RCC2: variants seen among roughly 807,000 people sequenced by gnomAD.
The protein encoded by RCC2 is protein RCC2.
A neutral mutation model predicts 64.1 loss-of-function variants in RCC2; 19 were observed. The ratio of observed to expected loss-of-function variants is 0.30; its 90% CI spans 0.21 to 0.44. RCC2 has a LOEUF of 0.44. Ranked by LOEUF, RCC2 falls within the 20% of genes least tolerant of loss-of-function variation. RCC2 has a pLI of 1.00. For missense variants in RCC2, 508 were observed against 710.4 expected (o/e 0.72, Z 3.24); for synonymous variants, 325 against 279.6 (o/e 1.16, Z -1.62).
intron 2 of RCC2, 43 bp from the exon 3 acceptor site, chr1:17,429,242 T>C (rs1312388456): frequency 4.7e-6 from 7 of 1,482,830 alleles, no homozygotes; most frequent in Non-Finnish European, 6.6e-6. Flanking sequence ...TGTGTAAGTC[T>C]GCACCTAGCT....
At chr1:17,412,369 CA>C (rs1557620868) in intron 10 of RCC2, among the ~76,000 whole-genome samples, 175 bp from the exon 11 acceptor site, 1 of 152,228 alleles carries the variant, frequency 6.6e-6, no homozygotes, top group African/African-American at 2.4e-5. Context: ...TTGTTCCGTG[CA>C]GGCCACTCAA....
intron 2 of RCC2, among the ~76,000 whole-genome samples, chr1:17,431,359 A>ATATATAT (rs1265674393): frequency 8.9e-5 from 4 of 44,926 alleles, no homozygotes; most frequent in African/African-American, 4.2e-4. Context: ...AAAAAAAAAA[A>ATATATAT]ATATATATAT....
chr1:17,435,146 G>T (rs1327040070), intron 2 of RCC2, among the ~76,000 whole-genome samples: 1 of 152,082 alleles, frequency 6.6e-6, no homozygotes, highest in Non-Finnish European at 1.5e-5. Flanking sequence ...TGTTGAGTGT[G>T]GCCGTGAGAG....
At position 17,429,613 on chromosome 1, in the gene RCC2, C is replaced by T. The variant is rs118175986; in HGVS notation, c.286-414G>A. Among the ~76,000 whole-genome samples the T allele has an allele frequency of 7.7e-4, 118 of 152,326 alleles. 2 individuals carry two copies. The East Asian group carries it at 0.019, about 24-fold the overall frequency. ...TATTTCACATGGCAAGCACGGCCTG[C>T]GACCTCAAACCTTAGGAGCCTCACA... is the stretch of plus-strand genomic sequence containing the variant. On this transcript the variant is annotated intron_variant, in intron 2 of 12. Coordinates refer to ENST00000375436, the MANE Select transcript of RCC2 (RefSeq NM_018715.4).
intron 8 of RCC2, among the ~76,000 whole-genome samples, chr1:17,415,312 ACTTGATCTCTGGAATCCTAGCCCAGG>A (rs1171086413): frequency 6.6e-6 from 1 of 152,220 alleles, no homozygotes; most frequent in African/African-American, 2.4e-5. Context: ...GGGAGGACCA[ACTTGATCTCTGGAATCCTAGCCCAGG>A]CTTTTTCAAC....
chr1:17,437,428 G>A (rs1179398215), intron 2 of RCC2, among the ~76,000 whole-genome samples: 3 of 152,222 alleles, frequency 2.0e-5, no homozygotes, highest in Non-Finnish European at 4.4e-5. Context: ...TGTGGCGGCA[G>A]ATGCCGGGTT....
intron 3 of RCC2, among the ~76,000 whole-genome samples, chr1:17,428,685 T>C (rs2075644727): frequency 6.6e-6 from 1 of 152,214 alleles, no homozygotes; most frequent in Non-Finnish European, 1.5e-5. Context: ...CTGCAACAAT[T>C]TGGCAGCTTG....
chr1:17,431,914 C>T (rs1287868390), intron 2 of RCC2, among the ~76,000 whole-genome samples: 2 of 152,090 alleles, frequency 1.3e-5, no homozygotes, highest in African/African-American at 2.4e-5. Flanking sequence ...GCCTGGCCAA[C>T]ATGGTGAAAC....
At chr1:17,430,442 G>C (rs1315177844) in intron 2 of RCC2, among the ~76,000 whole-genome samples, 3 of 147,108 alleles carry the variant, frequency 2.0e-5, no homozygotes, top group Non-Finnish European at 4.4e-5. Context: ...AGTGAGCCAA[G>C]ATCACACCTG....
At position 17,426,735 on chromosome 1, in the gene RCC2, G is replaced by A. The variant is rs549467998; in HGVS notation, c.380-1051C>T. Among the ~76,000 whole-genome samples, 3 of 151,318 alleles carry A rather than the reference G, an allele frequency of 2.0e-5. No homozygotes were observed. In the South Asian group the frequency reaches 6.3e-4, roughly 32 times the overall value. On this transcript the variant is annotated intron_variant, in intron 3 of 12. Coordinates refer to ENST00000375436, the MANE Select transcript of RCC2 (RefSeq NM_018715.4). ...CCCCTTCACACCCTATTAGAGGATG[G>A]GGCAGGGCCAATTTCTTACTTTTCT... is the stretch of plus-strand genomic sequence containing the variant.
Position 17,425,449 on chromosome 1 carries a change from C to T in RCC2, c.523+92G>A, listed in dbSNP as rs539916274. The T allele has an allele frequency of 4.3e-5, 57 of 1,315,660 alleles. No homozygotes were observed. In the Admixed American group the frequency reaches 8.6e-4, roughly 20 times the overall value. The allele number at this position is 1,315,660 out of a possible 1,614,324, so 81.5% of individuals were successfully genotyped here. On this transcript the variant is annotated intron_variant, in intron 4 of 12. Coordinates refer to ENST00000375436, the MANE Select transcript of RCC2 (RefSeq NM_018715.4). ...CGAAGGAGCCCAGCCTTATAAGACG[C>T]GAGTCTCTTTTCCAGGCAAACAGAA...
At chr1:17,433,267 C>G (rs1321075583) in intron 2 of RCC2, among the ~76,000 whole-genome samples, 1 of 152,238 alleles carries the variant, frequency 6.6e-6, no homozygotes, top group African/African-American at 2.4e-5. Context: ...TTCTCTATAA[C>G]TTCTTTCCTC....
Position 17,429,110 on chromosome 1 carries a change from CT to C in RCC2, c.374del (p.Gln125ArgfsTer66). On this transcript the variant is annotated frameshift_variant, in exon 3 of 13. Coordinates refer to ENST00000375436, the MANE Select transcript of RCC2 (RefSeq NM_018715.4). LOFTEE classifies it high-confidence loss of function. Reference sequence around the variant, plus strand: ...TTTGAGGCACCATTCTCATACCTTGCTGTTTAGGCACTTCTTTTCGACCAAT... The same window carrying C: ...TTTGAGGCACCATTCTCATACCTTGCGTTTAGGCACTTCTTTTCGACCAAT... Reference protein sequence around the residue: ...DLIGRKEVPKQQAAYRNLGQN... With the variant: ...DLIGRKEVPKXQAAYRNLGQN... 6.2e-7 allele frequency: 1 copy of C among 1,613,574 alleles called. No homozygotes were observed. Among genetic ancestry groups the C allele is most frequent in the Non-Finnish European group, 8.5e-7 (1 of 1,179,468 alleles).
In RCC2 at chr1:17,409,078, T is replaced by C; in HGVS notation, c.*12A>G. On this transcript the variant is annotated 3_prime_UTR_variant, in exon 13 of 13. Transcript: ENST00000375436. Reference sequence around the variant, plus strand: ...CGCGAGAGGTGTGGAGTCGGAGGAGTCTCCGGGAGCATCAGAGGGTTCGGG... The same window carrying C: ...CGCGAGAGGTGTGGAGTCGGAGGAGCCTCCGGGAGCATCAGAGGGTTCGGG... 1 of 1,577,656 alleles carries C rather than the reference T, an allele frequency of 6.3e-7. No homozygotes were observed. Among genetic ancestry groups the C allele is most frequent in the Non-Finnish European group, 8.7e-7 (1 of 1,147,260 alleles).
chr1:17,408,940 G>A lies in RCC2; in HGVS notation c.*150C>T. ...AAAAAGGTAGTTAACGTTGGATCAT[G>A]TGTAAAACGGAACCTCAGGGAGTCT... is the stretch of plus-strand genomic sequence containing the variant. On this transcript the variant is annotated 3_prime_UTR_variant, in exon 13 of 13. Coordinates refer to ENST00000375436, the MANE Select transcript of RCC2 (RefSeq NM_018715.4). 1.5e-6 allele frequency: 1 copy of A among 668,360 alleles called. No homozygotes were observed. The highest frequency in any genetic ancestry group is 2.7e-6 in the Non-Finnish European group (1 of 368,764). 41.4% of individuals were successfully genotyped at this position (668,360 alleles called of 1,614,324 possible). A position where few individuals can be genotyped will look rare whatever the true frequency, so the allele number is the denominator to read the frequency against.
intron 6 of RCC2, 104 bp from the exon 7 acceptor site, chr1:17,420,932 G>T: frequency 1.4e-6 from 1 of 722,410 alleles, no homozygotes; most frequent in Non-Finnish European, 2.3e-6. Flanking sequence ...ACAAACGGAA[G>T]TTTAATAAAC....
chr1:17,432,113 G>A (rs1283763987), intron 2 of RCC2, among the ~76,000 whole-genome samples: 1 of 152,076 alleles, frequency 6.6e-6, no homozygotes, highest in African/African-American at 2.4e-5. Flanking sequence ...AAAGTTGGGG[G>A]GAGGGAAGTG....
intron 2 of RCC2, among the ~76,000 whole-genome samples, chr1:17,431,956 C>T (rs1039638758): frequency 2.6e-5 from 4 of 151,940 alleles, no homozygotes; most frequent in Non-Finnish European, 2.9e-5. Flanking sequence ...AAAAATTAGC[C>T]GGGTGTCTGT....
rs3764766 is a variant in RCC2 at position 17,413,523 on chromosome 1, C to G, written c.1207+14G>C. On this transcript the variant is annotated intron_variant, in intron 9 of 12. Transcript: ENST00000375436. ...ACCAGAGCACTGATAAGCCAGGGGG[C>G]AGAAATCACTAACCCACTTCACTGA... is the stretch of plus-strand genomic sequence containing the variant. 2,077 of 1,613,446 alleles carry G rather than the reference C, an allele frequency of 1.3e-3. 28 individuals carry two copies. The East Asian group carries it at 0.034, about 26-fold the overall frequency.
Sources: allele counts gnomAD v4.1 joint callset (sites outside exome capture counted in the v4.1 genomes callset), GRCh38; gene constraint gnomAD v4.1.1; transcripts MANE v1.5; gene names NCBI Gene and HGNC (gene_info 2026-07-23, HGNC 2026-07-21).